KIRREL3: variants seen among roughly 807,000 people sequenced by gnomAD.
KIRREL3 encodes kirre like nephrin family adhesion molecule 3.
A neutral mutation model predicts 89.7 loss-of-function variants in KIRREL3; 36 were observed. That is an observed-to-expected ratio of 0.40 (90% CI 0.31 to 0.53). The LOEUF is 0.53. Ranked by LOEUF, KIRREL3 falls within the 20% of genes least tolerant of loss-of-function variation. KIRREL3 has a pLI of 0.49. For missense variants in KIRREL3, 864 were observed against 1,056.6 expected (o/e 0.82, Z 2.53); for synonymous variants, 445 against 441.4 (o/e 1.01, Z -0.10).
intron 1 of KIRREL3, among the ~76,000 whole-genome samples, chr11:126,592,647 C>T (rs903264716): frequency 2.6e-5 from 4 of 152,216 alleles, no homozygotes; most frequent in South Asian, 2.1e-4. Flanking sequence ...GCCTGCTGTG[C>T]GGGAAACAGC....
rs973618932 is a variant in KIRREL3 at position 126,570,098 on chromosome 11, G to A, written c.56-7186C>T. ...CAAAGGTATATTAATCCTGACTAGT[G>A]CCTGGCCCTGGACCTCCAGGACGAG... On this transcript the variant is annotated intron_variant, in intron 1 of 16. Transcript: ENST00000525144. The surrounding 1 kb of genome is among the most constrained non-coding windows in gnomAD (Gnocchi z 6.1). 5.9e-5 allele frequency among the ~76,000 whole-genome samples: 9 copies of A among 152,084 alleles called. No individual in the cohort carries two copies. Among genetic ancestry groups the A allele is most frequent in the Non-Finnish European group, 1.2e-4 (8 of 68,022 alleles).
chr11:126,556,550 A>G (rs1043039253), intron 2 of KIRREL3, among the ~76,000 whole-genome samples: 4 of 152,130 alleles, frequency 2.6e-5, no homozygotes, highest in Admixed American at 6.5e-5. Context: ...CTGGGGTAGG[A>G]TTGCTTGAGC....
intron 1 of KIRREL3, among the ~76,000 whole-genome samples, chr11:126,806,196 G>A (rs1005480813): frequency 6.6e-6 from 1 of 152,194 alleles, no homozygotes; most frequent in African/African-American, 2.4e-5. Context: ...TTTCAGCCTT[G>A]ATGAGCCTCA....
chr11:126,455,832 ACAAAC>A lies in KIRREL3; in HGVS notation c.848+512_848+516del, dbSNP rs1210822997. 4.0e-5 allele frequency among the ~76,000 whole-genome samples: 6 copies of A among 151,538 alleles called. No individual in the cohort carries two copies. The highest frequency in any genetic ancestry group is 7.4e-5 in the Non-Finnish European group (5 of 67,906). ...AAGAAACAAACAAACAAACAAACCAACAAACCAAACAGTGGTGCTTTTATCCGTGT... is the reference window on the plus strand; with the variant it reads ...AAGAAACAAACAAACAAACAAACCAACAAACAGTGGTGCTTTTATCCGTGT... On this transcript the variant is annotated intron_variant, in intron 7 of 16. Coordinates refer to ENST00000525144, the MANE Select transcript of KIRREL3 (RefSeq NM_032531.4). The surrounding 1 kb of genome is among the most constrained non-coding windows in gnomAD (Gnocchi z 6.4).
At chr11:126,801,561 G>T (rs1413249366) in intron 1 of KIRREL3, among the ~76,000 whole-genome samples, 1 of 152,166 alleles carries the variant, frequency 6.6e-6, no homozygotes, top group Non-Finnish European at 1.5e-5. Context: ...TGCAAAGAGC[G>T]CATGGTTTGC....
At position 126,489,949 on chromosome 11, in the gene KIRREL3, A is replaced by G. The variant is rs1003217232; in HGVS notation, c.434-16483T>C. Among the ~76,000 whole-genome samples, 2 of 152,146 alleles carry G rather than the reference A, an allele frequency of 1.3e-5. No homozygotes were observed. The highest frequency in any genetic ancestry group is 2.9e-5 in the Non-Finnish European group (2 of 68,026). ...CAGATCTCCATCCCTGGCACTGTGC[A>G]GGAATCTGGGCGTGTTAGTGCTGCA... On this transcript the variant is annotated intron_variant, in intron 4 of 16. Coordinates refer to ENST00000525144, the MANE Select transcript of KIRREL3 (RefSeq NM_032531.4). The surrounding 1 kb of genome is among the most constrained non-coding windows in gnomAD (Gnocchi z 5.5).
At position 126,970,066 on chromosome 11, in the gene KIRREL3, G is replaced by A. The variant is rs963076110; in HGVS notation, c.55+30389C>T. ...TTCTTCTACCAGTCACAGCCAAGCT[G>A]CCCTAGGTTGTCACCTAGGGACGGA... On this transcript the variant is annotated intron_variant, in intron 1 of 16. Transcript: ENST00000525144. The surrounding 1 kb of genome is among the most constrained non-coding windows in gnomAD (Gnocchi z 4.4). Among the ~76,000 whole-genome samples, 2 of 152,198 alleles carry A rather than the reference G, an allele frequency of 1.3e-5. No individual in the cohort carries two copies.
At chr11:126,944,645 G>A (rs1948565362) in intron 1 of KIRREL3, among the ~76,000 whole-genome samples, 2 of 152,090 alleles carry the variant, frequency 1.3e-5, no homozygotes, top group African/African-American at 2.4e-5. Flanking sequence ...CACTGGGCAA[G>A]GAAGCCCAAG....
At chr11:126,857,793 T>TG (rs1565357541) in intron 1 of KIRREL3, among the ~76,000 whole-genome samples, 1 of 15,366 alleles carries the variant, frequency 6.5e-5, no homozygotes, top group Non-Finnish European at 1.2e-4. Flanking sequence ...GGGGGTGGGG[T>TG]GGGTGAGGCT....
In KIRREL3 at chr11:126,802,646, C is replaced by T. The variant is rs1293149062; in HGVS notation, c.55+197809G>A. ...TGTCCTGTCGGGGGCTGGCTCCCGC[C>T]TGGCACCCTGAGCTGCTGGGACAGG... On this transcript the variant is annotated intron_variant, in intron 1 of 16. Transcript: ENST00000525144. The surrounding 1 kb of genome is among the most constrained non-coding windows in gnomAD (Gnocchi z 5.2). Among the ~76,000 whole-genome samples the T allele has an allele frequency of 6.6e-6, 1 of 152,146 alleles. No individual in the cohort carries two copies. The highest frequency in any genetic ancestry group is 1.5e-5 in the Non-Finnish European group (1 of 68,028).
chr11:126,606,594 C>T lies in KIRREL3; in HGVS notation c.56-43682G>A, dbSNP rs1410857630. Among the ~76,000 whole-genome samples, 4 of 152,116 alleles carry T rather than the reference C, an allele frequency of 2.6e-5. No homozygotes were observed. Among genetic ancestry groups the T allele is most frequent in the Non-Finnish European group, 4.4e-5 (3 of 68,020 alleles). ...CACATCCCAGATGACCTTACACACCCCAGGGGTTGATACCAGGCCGAGACC... is the reference window on the plus strand; with the variant it reads ...CACATCCCAGATGACCTTACACACCTCAGGGGTTGATACCAGGCCGAGACC... On this transcript the variant is annotated intron_variant, in intron 1 of 16. Coordinates refer to ENST00000525144, the MANE Select transcript of KIRREL3 (RefSeq NM_032531.4). The surrounding 1 kb of genome is among the most constrained non-coding windows in gnomAD (Gnocchi z 4.6).
At chr11:126,638,190 T>C (rs1029047467) in intron 1 of KIRREL3, among the ~76,000 whole-genome samples, 1 of 152,214 alleles carries the variant, frequency 6.6e-6, no homozygotes, top group Non-Finnish European at 1.5e-5. Flanking sequence ...TTCTCAGAAT[T>C]TGAGAATTTG....
chr11:126,452,484 T>C (rs1046953048), intron 7 of KIRREL3, among the ~76,000 whole-genome samples: 5 of 152,208 alleles, frequency 3.3e-5, no homozygotes, highest in Non-Finnish European at 5.9e-5. Context: ...GAGCCCTGGC[T>C]GCTCACAGCT....
intron 1 of KIRREL3, among the ~76,000 whole-genome samples, chr11:126,823,864 C>T (rs1019363008): frequency 9.2e-5 from 14 of 152,298 alleles, no homozygotes; most frequent in East Asian, 1.9e-4. Flanking sequence ...AAGGAGCAGA[C>T]GAGGCACCCT....
chr11:126,617,252 T>C (rs529787723), intron 1 of KIRREL3, among the ~76,000 whole-genome samples: 69 of 152,328 alleles, frequency 4.5e-4, no homozygotes, highest in Non-Finnish European at 9.0e-4. Flanking sequence ...ATGGATTTGG[T>C]TGGTGGGCTT....
At chr11:126,425,047 G>A in intron 16 of KIRREL3, 24 bp from the exon 17 acceptor site, 2 of 1,490,948 alleles carry the variant, frequency 1.3e-6, no homozygotes, top group East Asian at 2.4e-5. Context: ...AGGAAGAGGA[G>A]CGTCACCTGG....
Position 126,651,961 on chromosome 11 carries a change from A to AT in KIRREL3, c.56-89050_56-89049insA, listed in dbSNP as rs1944921341. Among the ~76,000 whole-genome samples the AT allele has an allele frequency of 6.6e-6, 1 of 152,222 alleles. No homozygotes were observed. Among genetic ancestry groups the AT allele is most frequent in the Non-Finnish European group, 1.5e-5 (1 of 68,038 alleles). Reference sequence around the variant, plus strand: ...GTCCCTAATGAAAGTTTCTGAATTCAGATATTTAAATGATGGTAGGGTAAG... The same window carrying AT: ...GTCCCTAATGAAAGTTTCTGAATTCATGATATTTAAATGATGGTAGGGTAAG... On this transcript the variant is annotated intron_variant, in intron 1 of 16. Coordinates refer to ENST00000525144, the MANE Select transcript of KIRREL3 (RefSeq NM_032531.4). The surrounding 1 kb of genome is among the most constrained non-coding windows in gnomAD (Gnocchi z 4.6).
chr11:126,807,539 C>A lies in KIRREL3; in HGVS notation c.55+192916G>T, dbSNP rs926830795. Reference sequence around the variant, plus strand: ...CCCAAATCTCCCAGTGATATGTGCACCACGGTAGGGAACACAGGTTTCGTG... The same window carrying A: ...CCCAAATCTCCCAGTGATATGTGCAACACGGTAGGGAACACAGGTTTCGTG... On this transcript the variant is annotated intron_variant, in intron 1 of 16. Transcript: ENST00000525144. The surrounding 1 kb of genome is among the most constrained non-coding windows in gnomAD (Gnocchi z 4.3). 2.0e-5 allele frequency among the ~76,000 whole-genome samples: 3 copies of A among 152,170 alleles called. No individual in the cohort carries two copies. The highest frequency in any genetic ancestry group is 4.4e-5 in the Non-Finnish European group (3 of 68,030).
chr11:126,843,657 C>A lies in KIRREL3; in HGVS notation c.55+156798G>T, dbSNP rs780650801. ...GGTAAAATAAGGCTAACTTATTTAG[C>A]CTTAAAATAATTTTCCCAGTAAGTT... is the stretch of plus-strand genomic sequence containing the variant. On this transcript the variant is annotated intron_variant, in intron 1 of 16. Coordinates refer to ENST00000525144, the MANE Select transcript of KIRREL3 (RefSeq NM_032531.4). This position sits in a 1 kb window ranked among gnomAD's most constrained non-coding sequence, Gnocchi z 4.6. Among the ~76,000 whole-genome samples, 3 of 152,080 alleles carry A rather than the reference C, an allele frequency of 2.0e-5. No homozygotes were observed. The highest frequency in any genetic ancestry group is 4.4e-5 in the Non-Finnish European group (3 of 68,012).
Sources: gnomAD v4.1 joint callset for allele counts (sites outside exome capture counted in the v4.1 genomes callset) on GRCh38, gnomAD v4.1.1 for gene constraint, Gnocchi (gnomAD v3.1) non-coding constraint, MANE v1.5 for transcripts, NCBI Gene and HGNC (gene_info 2026-07-23, HGNC 2026-07-21) for gene names.